FANCB: variants seen among roughly 807,000 people sequenced by gnomAD.
FANCB encodes FA complementation group B, also known as Fanconi anemia group B protein.
A neutral mutation model predicts 38.9 loss-of-function variants in FANCB; 5 were observed. The ratio of observed to expected loss-of-function variants is 0.13; its 90% confidence interval spans 0.07 to 0.27. The LOEUF is 0.27. Ranked by LOEUF, FANCB falls within the 10% of genes least tolerant of loss-of-function variation. FANCB has a pLI of 1.00. For missense variants in FANCB, 573 were observed against 602.7 expected (o/e 0.95, Z 0.52); for synonymous variants, 236 against 215.4 (o/e 1.10, Z -0.84).
At chrX:14,844,372 T>C in intron 9 of FANCB, 131 bp downstream of exon 9, 2 of 539,286 alleles carry the variant, frequency 3.7e-6, no homozygotes, top group South Asian at 2.7e-5. Flanking sequence ...CGTTCATTCA[T>C]GCTAGGCCAT....
chrX:14,837,516 T>C (rs1288387978), intron 10 of FANCB, among the ~76,000 whole-genome samples: 1 of 112,221 alleles, frequency 8.9e-6, no homozygotes, highest in African/African-American at 3.2e-5. Flanking sequence ...TGGAGGGAAG[T>C]AGTCAAGAGA....
the FANCB span, among the ~76,000 whole-genome samples, chrX:14,727,919 T>C: frequency 8.9e-6 from 1 of 111,927 alleles, no homozygotes; most frequent in Non-Finnish European, 1.9e-5. Flanking sequence ...CAGCACCTAG[T>C]ACAATGCTTG....
the FANCB span, among the ~76,000 whole-genome samples, chrX:14,710,618 A>T: frequency 8.9e-6 from 1 of 112,141 alleles, no homozygotes; most frequent in Non-Finnish European, 1.9e-5. Context: ...TGTACGTCAA[A>T]GATAATTGAA....
At chrX:14,760,839 C>T in the FANCB span, among the ~76,000 whole-genome samples, 6 of 110,567 alleles carry the variant, frequency 5.4e-5, no homozygotes, top group African/African-American at 1.6e-4. Flanking sequence ...GGTGTGGTGG[C>T]GTGAGCTTGT....
At chrX:14,740,876 CCTTAT>C in the FANCB span, among the ~76,000 whole-genome samples, 1 of 111,266 alleles carries the variant, frequency 9.0e-6, no homozygotes, top group East Asian at 2.8e-4. Context: ...CCCATTTCTA[CCTTAT>C]ATTTTTCACA....
chrX:14,756,186 T>G, the FANCB span, among the ~76,000 whole-genome samples: 1 of 111,723 alleles, frequency 9.0e-6, no homozygotes, highest in African/African-American at 3.3e-5. Flanking sequence ...CAAAATGGAC[T>G]AAAGACCTAA....
the FANCB span, among the ~76,000 whole-genome samples, chrX:14,821,965 C>T: frequency 3.6e-5 from 4 of 111,846 alleles, no homozygotes; most frequent in African/African-American, 9.8e-5. Context: ...TTTGAAGAGA[C>T]GGGAGAAATC....
the FANCB span, among the ~76,000 whole-genome samples, chrX:14,700,245 T>C: frequency 1.8e-5 from 2 of 110,128 alleles, no homozygotes; most frequent in Non-Finnish European, 3.8e-5. Context: ...TGGAAGTGGA[T>C]AAGATTACCC....
chrX:14,704,698 G>A, the FANCB span, among the ~76,000 whole-genome samples: 3 of 111,630 alleles, frequency 2.7e-5, no homozygotes, highest in Non-Finnish European at 3.8e-5. Flanking sequence ...TGGGTAAAAG[G>A]AAACGACCCC....
chrX:14,707,506 G>C, the FANCB span, among the ~76,000 whole-genome samples: 4 of 110,450 alleles, frequency 3.6e-5, no homozygotes, highest in African/African-American at 1.3e-4. Flanking sequence ...TTTGGAGCAT[G>C]AATCCCTTCA....
rs1287455938 is a variant in FANCB, at chrX:14,859,169, A to C, written c.1104+13T>G. 2 of 1,139,257 alleles carry C rather than the reference A, an allele frequency of 1.8e-6. No homozygotes were observed. Among genetic ancestry groups the C allele is most frequent in the Non-Finnish European group, 2.4e-6 (2 of 833,429 alleles). 93.9% of individuals were successfully genotyped at this position (1,139,257 alleles called of 1,213,427 possible). On this transcript the variant is annotated intron_variant, in intron 4 of 9. Coordinates refer to ENST00000650831, the MANE Select transcript of FANCB (RefSeq NM_001018113.3). ...GTTCTTAAAATACCATATAATAAGT[A>C]AATAGAACTTACCGAATAGTTTATT...
intron 5 of FANCB, among the ~76,000 whole-genome samples, chrX:14,853,884 T>C (rs1299418191): frequency 8.9e-6 from 1 of 112,312 alleles, no homozygotes; most frequent in South Asian, 3.6e-4. Flanking sequence ...AGTCATGTCA[T>C]TGAACTGATA....
chrX:14,845,213 G>C lies in FANCB; in HGVS notation c.1570C>G (p.Gln524Glu), dbSNP rs370248837. Residue 524 changes from glutamine to glutamate, a missense_variant, in exon 8 of 10, where the codon CAA becomes GAA. Transcript: ENST00000650831. ...GTACTCAACTTAATCACCCTATTTTGACACTTTAGAAGCCGAAATCTGGAG... is the reference window on the plus strand; with the variant it reads ...GTACTCAACTTAATCACCCTATTTTCACACTTTAGAAGCCGAAATCTGGAG... Reference protein sequence around the residue: ...HDSRFRLLKCQNRVIKLSTNP... With the variant: ...HDSRFRLLKCENRVIKLSTNP... 1.5e-4 allele frequency: 184 copies of C among 1,207,064 alleles called. No individual in the cohort carries two copies. Among genetic ancestry groups the C allele is most frequent in the Non-Finnish European group, 1.9e-4 (171 of 893,095 alleles).
At chrX:14,760,828 G>A in the FANCB span, among the ~76,000 whole-genome samples, 2 of 110,770 alleles carry the variant, frequency 1.8e-5, no homozygotes, top group Non-Finnish European at 3.8e-5. Flanking sequence ...AAAATTAGCT[G>A]GGTGTGGTGG....
At chrX:14,793,694 G>C in the FANCB span, among the ~76,000 whole-genome samples, 1 of 112,392 alleles carries the variant, frequency 8.9e-6, no homozygotes, top group Non-Finnish European at 1.9e-5. Context: ...CACGCGTAGA[G>C]AGAGGACAAG....
rs765112491 is a variant in FANCB, at chrX:14,843,974, T to C, written c.2173A>G (p.Thr725Ala). ...TTATGAAGGCACTGGAACATAACTG[T>C]TTGATTCCTAAAATAAAAAAACAAA... ...GILIIYSRNQ[T>A]VMFQCLHNLI... The change falls in exon 10 of 10, where the codon ACA (threonine) becomes GCA (alanine). Residue 725 changes from threonine (T) to alanine (A), a missense_variant. Thr to Ala is a moderately conservative substitution (Grantham distance 58, BLOSUM62 0). Transcript: ENST00000650831. 5 of 1,203,155 alleles carry C rather than the reference T, an allele frequency of 4.2e-6. No individual in the cohort carries two copies. The Admixed American group carries it at 8.8e-5, about 21-fold the overall frequency.
chrX:14,854,476 T>C (rs1797314736), intron 5 of FANCB, among the ~76,000 whole-genome samples: 1 of 111,758 alleles, frequency 8.9e-6, no homozygotes. Flanking sequence ...ATTTAAACAA[T>C]GTGAAAGTAC....
At chrX:14,847,271 A>C (rs1039549465) in intron 7 of FANCB, among the ~76,000 whole-genome samples, 1 of 111,628 alleles carries the variant, frequency 9.0e-6, no homozygotes, top group African/African-American at 3.3e-5. Context: ...GAAAAAAAGA[A>C]AAGACAGAAA....
chrX:14,728,352 C>T, the FANCB span, among the ~76,000 whole-genome samples: 1 of 111,227 alleles, frequency 9.0e-6, no homozygotes, highest in Non-Finnish European at 1.9e-5. Context: ...GTGATCATGC[C>T]AGTTCACCCC....
Sources: allele counts gnomAD v4.1 joint callset (sites outside exome capture counted in the v4.1 genomes callset), GRCh38; gene constraint gnomAD v4.1.1; transcripts MANE v1.5; gene names NCBI Gene and HGNC (gene_info 2026-07-23, HGNC 2026-07-21).